Variants in SPTBN1 observed in about 807,000 individuals in gnomAD.
SPTBN1 encodes the protein spectrin beta chain, non-erythrocytic 1.
In SPTBN1, 32 loss-of-function variants were observed where a neutral mutation model predicts 266.4. That is an observed-to-expected ratio of 0.12 (90% CI 0.09 to 0.16). SPTBN1 has a LOEUF of 0.16. Ranked by LOEUF, SPTBN1 falls within the 10% of genes least tolerant of loss-of-function variation. The pLI is 1.00. For missense variants in SPTBN1, 2,296 were observed against 3,067.1 expected (o/e 0.75, Z 5.94); for synonymous variants, 1,336 against 1,162.2 (o/e 1.15, Z -3.04).
At chr2:54,600,437 T>C (rs925291688) in intron 3 of SPTBN1, among the ~76,000 whole-genome samples, 1 of 151,894 alleles carries the variant, frequency 6.6e-6, no homozygotes, top group African/African-American at 2.4e-5. Flanking sequence ...CTAGACAAAC[T>C]AGACAAATAA....
At chr2:54,485,590 T>G (rs997097584) in intron 1 of SPTBN1, among the ~76,000 whole-genome samples, 3 of 152,194 alleles carry the variant, frequency 2.0e-5, no homozygotes, top group Non-Finnish European at 2.9e-5. Flanking sequence ...GTGCCGAGAT[T>G]GCAGCCTCTG....
chr2:54,532,524 C>T (rs1331339712), intron 2 of SPTBN1, among the ~76,000 whole-genome samples: 1 of 152,124 alleles, frequency 6.6e-6, no homozygotes, highest in Non-Finnish European at 1.5e-5. Context: ...GGAGTGAAAA[C>T]ATGGTAGATG....
chr2:54,658,878 A>G (rs1572772564), intron 30 of SPTBN1, among the ~76,000 whole-genome samples: 1 of 152,194 alleles, frequency 6.6e-6, no homozygotes, highest in East Asian at 1.9e-4. Flanking sequence ...TGAGAGTTGC[A>G]TAGTTACTTT....
Position 54,623,372 on chromosome 2 carries a change from C to G in SPTBN1, c.1065-107C>G, listed in dbSNP as rs1165179081. 6.4e-6 allele frequency: 6 copies of G among 936,768 alleles called. No individual in the cohort carries two copies. In the East Asian group the frequency reaches 1.5e-4, roughly 23 times the overall value. The allele number at this position is 936,768 out of a possible 1,614,324, so 58.0% of individuals were successfully genotyped here. On this transcript the variant is annotated intron_variant, in intron 9 of 35. Transcript: ENST00000356805. ...AAGCAACCTACTGATGTCTCTTTGA[C>G]ATGCATTTCATGTAAGTCAGACCAG...
rs1673018077 is a variant in SPTBN1, at chr2:54,558,324, C to G, written c.148+31758C>G. The G allele has an allele frequency of 3.0e-6, 3 of 991,902 alleles. No homozygotes were observed. Among genetic ancestry groups the G allele is most frequent in the South Asian group, 9.0e-5 (2 of 22,250 alleles). The allele number at this position is 991,902 out of a possible 1,614,324, so 61.4% of individuals were successfully genotyped here. ...CTGTTATGCTAATCAGGTGACATCACCGCCCAGCACACGGCGAGTGGCTCC... is the reference window on the plus strand; with the variant it reads ...CTGTTATGCTAATCAGGTGACATCAGCGCCCAGCACACGGCGAGTGGCTCC... On this transcript the variant is annotated intron_variant, in intron 2 of 35. Transcript: ENST00000356805. The surrounding 1 kb of genome is among the most constrained non-coding windows in gnomAD (Gnocchi z 4.6).
intron 12 of SPTBN1, 114 bp from the exon 13 acceptor site, chr2:54,627,983 A>C: frequency 7.8e-7 from 1 of 1,276,668 alleles, no homozygotes; most frequent in Non-Finnish European, 1.1e-6. Context: ...GGTCCATGGC[A>C]GACTAGAGGG....
chr2:54,484,093 G>A (rs1668229082), intron 1 of SPTBN1, among the ~76,000 whole-genome samples: 1 of 152,162 alleles, frequency 6.6e-6, no homozygotes, highest in African/African-American at 2.4e-5. Context: ...GGCTGAGGTT[G>A]GAGGATTACT....
At chr2:54,630,734 G>T in intron 15 of SPTBN1, 121 bp from the exon 16 acceptor site, 1 of 1,238,410 alleles carries the variant, frequency 8.1e-7, no homozygotes, top group South Asian at 2.0e-5. Context: ...AAAAAAGCAT[G>T]TAGTCAAAGC....
intron 1 of SPTBN1, among the ~76,000 whole-genome samples, chr2:54,463,668 A>T (rs375682659): frequency 2.4e-4 from 36 of 152,236 alleles, no homozygotes; most frequent in African/African-American, 8.2e-4. Flanking sequence ...AATTTTAATG[A>T]TTATAAAATG....
rs1474071532 is a variant in SPTBN1 at position 54,628,849 on chromosome 2, G to A, written c.1799-84G>A. On this transcript the variant is annotated intron_variant, in intron 13 of 35. Coordinates refer to ENST00000356805, the MANE Select transcript of SPTBN1 (RefSeq NM_003128.3). The surrounding 1 kb of genome is among the most constrained non-coding windows in gnomAD (Gnocchi z 4.3). ...GTGAGCTGGTAATCATAAGAATATG[G>A]GGTGTAGCTTACTGCCTGCCAGTGA... The A allele has an allele frequency of 1.3e-6, 2 of 1,482,260 alleles. No homozygotes were observed. Among genetic ancestry groups the A allele is most frequent in the East Asian group, 2.3e-5 (1 of 43,900 alleles). The allele number at this position is 1,482,260 out of a possible 1,614,324, so 91.8% of individuals were successfully genotyped here.
At chr2:54,569,409 C>G (rs1673902829) in intron 2 of SPTBN1, among the ~76,000 whole-genome samples, 1 of 152,054 alleles carries the variant, frequency 6.6e-6, no homozygotes, top group African/African-American at 2.4e-5. Context: ...TATTGACGCC[C>G]TGAAAAGAAA....
At chr2:54,601,051 A>C (rs987797963) in intron 3 of SPTBN1, among the ~76,000 whole-genome samples, 2 of 152,156 alleles carry the variant, frequency 1.3e-5, no homozygotes, top group Non-Finnish European at 2.9e-5. Context: ...GATGTGTGTG[A>C]GTATCTCCCA....
intron 19 of SPTBN1, among the ~76,000 whole-genome samples, chr2:54,643,646 T>C (rs969331782): frequency 6.6e-6 from 1 of 152,032 alleles, no homozygotes; most frequent in Non-Finnish European, 1.5e-5. Flanking sequence ...CCCCGACTTC[T>C]CTCCTTTTAG....
rs375583219 is a variant in SPTBN1 at position 54,645,203 on chromosome 2, C to T, written c.4270-26C>T. 1.4e-4 allele frequency: 232 copies of T among 1,610,878 alleles called. No homozygotes were observed. Among genetic ancestry groups the T allele is most frequent in the Middle Eastern group, 1.6e-4 (1 of 6,064 alleles). On this transcript the variant is annotated intron_variant, in intron 20 of 35. Coordinates refer to ENST00000356805, the MANE Select transcript of SPTBN1 (RefSeq NM_003128.3). This position sits in a 1 kb window ranked among gnomAD's most constrained non-coding sequence, Gnocchi z 4.3. ...ACTGCAAAAGATAGTCTGTGCTGAG[C>T]GCTGAGGCTGCTTCTCTGCCCTCAG... is the stretch of plus-strand genomic sequence containing the variant.
At chr2:54,555,125 T>C (rs1672790096) in intron 2 of SPTBN1, among the ~76,000 whole-genome samples, 1 of 152,214 alleles carries the variant, frequency 6.6e-6, no homozygotes, top group African/African-American at 2.4e-5. Context: ...TGCAACTCCC[T>C]GGCATCTCCA....
intron 1 of SPTBN1, among the ~76,000 whole-genome samples, chr2:54,502,862 T>G (rs1669345235): frequency 6.6e-6 from 1 of 152,176 alleles, no homozygotes; most frequent in South Asian, 2.1e-4. Flanking sequence ...GGCCAGTGTT[T>G]GTTGGCTTTG....
chr2:54,507,612 G>A (rs1454542562), intron 1 of SPTBN1, among the ~76,000 whole-genome samples: 1 of 152,136 alleles, frequency 6.6e-6, no homozygotes, highest in Non-Finnish European at 1.5e-5. Flanking sequence ...GAGAAAAACA[G>A]GTATAAAAGG....
chr2:54,479,681 C>T (rs1485618354), intron 1 of SPTBN1, among the ~76,000 whole-genome samples: 3 of 152,036 alleles, frequency 2.0e-5, no homozygotes, highest in African/African-American at 4.8e-5. Flanking sequence ...GACTCACTTC[C>T]TAGGGTGTTA....
chr2:54,616,346 A>G lies in SPTBN1; in HGVS notation c.566+48A>G, dbSNP rs1677605472. 4.6e-6 allele frequency: 7 copies of G among 1,537,994 alleles called. No individual in the cohort carries two copies. The East Asian group carries it at 6.8e-5, about 15-fold the overall frequency. ...TTGGGGCTGCTTCTTCCAGGACTGA[A>G]TTCCACTGCAGTCATCACTTAGAAG... is the stretch of plus-strand genomic sequence containing the variant. On this transcript the variant is annotated intron_variant, in intron 5 of 35. Transcript: ENST00000356805.
Sources: gnomAD v4.1 joint callset for allele counts (sites outside exome capture counted in the v4.1 genomes callset) on GRCh38, gnomAD v4.1.1 for gene constraint, Gnocchi (gnomAD v3.1) non-coding constraint, MANE v1.5 for transcripts, NCBI Gene and HGNC (gene_info 2026-07-23, HGNC 2026-07-21) for gene names.